Variants in SLC4A5 observed in about 807,000 individuals in gnomAD.
The protein encoded by SLC4A5 is solute carrier family 4 member 5, also known as electrogenic sodium bicarbonate cotransporter 4.
SLC4A5 carries 96 observed loss-of-function variants against 120.4 expected under a neutral mutation model. That is an observed-to-expected ratio of 0.80 (90% CI 0.68 to 0.94). The LOEUF is 0.94. SLC4A5 is among the 40% of genes least tolerant of loss of function. The pLI, the probability that SLC4A5 is intolerant of heterozygous loss-of-function variation, is 0.00. For missense variants in SLC4A5, 1,259 were observed against 1,459.5 expected, an observed-to-expected ratio of 0.86 and a Z score of 2.24; for synonymous variants, 550 against 571.1, an observed-to-expected ratio of 0.96 and a Z score of 0.53.
intron 2 of SLC4A5, 111 bp from the exon 3 acceptor site, chr2:74,339,014 C>T (rs147873721): frequency 1.6e-4 from 24 of 152,144 alleles, no homozygotes; most frequent in Non-Finnish European, 2.5e-4. Flanking sequence ...TTAACAAGGG[C>T]CTGGCACATG....
chr2:74,255,995 C>T lies in SLC4A5; in HGVS notation c.868-63G>A. ...CCCACCTGCTCTCACTCCCTCACTC[C>T]CCTTCAGACTGCTTTGAGGCCTAAC... On this transcript the variant is annotated intron_variant, in intron 12 of 30. Coordinates refer to ENST00000394019, the Ensembl canonical transcript of SLC4A5. The surrounding 1 kb of genome is among the most constrained non-coding windows in gnomAD (Gnocchi z 4.0). The T allele has an allele frequency of 6.4e-7, 1 of 1,573,696 alleles. No individual in the cohort carries two copies. The highest frequency in any genetic ancestry group is 1.7e-5 in the Admixed American group (1 of 57,474).
intron 8 of SLC4A5, among the ~76,000 whole-genome samples, chr2:74,266,900 T>A (rs1039066365): frequency 6.6e-6 from 1 of 152,166 alleles, no homozygotes; most frequent in African/African-American, 2.4e-5. Context: ...CAAAGAAAAG[T>A]AATGTACTGA....
chr2:74,248,450 C>G, exon 18 of SLC4A5: 1 of 1,614,176 alleles, frequency 6.2e-7, no homozygotes, highest in Non-Finnish European at 8.5e-7. Flanking sequence ...AACAAGGAGC[C>G]AGCCATGGCA....
intron 21 of SLC4A5, among the ~76,000 whole-genome samples, chr2:74,237,872 T>G (rs1284686999): frequency 1.3e-5 from 2 of 151,648 alleles, no homozygotes; most frequent in Non-Finnish European, 2.9e-5. Context: ...GAGGCTGAGG[T>G]GGGGGGATCA....
At position 74,284,322 on chromosome 2, in the gene SLC4A5, G is replaced by A. The variant is rs1262901963; in HGVS notation, c.401+1451C>T. Among the ~76,000 whole-genome samples, 4 of 117,352 alleles carry A rather than the reference G, an allele frequency of 3.4e-5. 1 individual carries two copies. Among genetic ancestry groups the A allele is most frequent in the South Asian group, 2.5e-4 (1 of 3,998 alleles). The allele number at this position is 117,352 out of a possible 152,430, so 77.0% of individuals were successfully genotyped here. ...CTCCCGAGTAGCTGGGACTACAGGC[G>A]CCCGCCACCGCGCCCGGCTAATTTT... On this transcript the variant is annotated intron_variant, in intron 8 of 30. Coordinates refer to ENST00000394019, the Ensembl canonical transcript of SLC4A5.
chr2:74,269,525 G>T (rs946733633), intron 8 of SLC4A5, among the ~76,000 whole-genome samples: 7 of 152,116 alleles, frequency 4.6e-5, no homozygotes, highest in African/African-American at 7.2e-5. Context: ...GAGCCACCGC[G>T]CCCGGCCAGT....
chr2:74,229,410 T>A (rs1286467695), intron 25 of SLC4A5, among the ~76,000 whole-genome samples: 1 of 151,850 alleles, frequency 6.6e-6, no homozygotes, highest in Non-Finnish European at 1.5e-5. Context: ...CCACCATACC[T>A]GGCTATTTTT....
At chr2:74,299,824 A>G (rs1672426397) in intron 7 of SLC4A5, among the ~76,000 whole-genome samples, 1 of 151,012 alleles carries the variant, frequency 6.6e-6, no homozygotes, top group Non-Finnish European at 1.5e-5. Context: ...TCCTCAAAAC[A>G]TAAAAGTAGA....
chr2:74,307,468 G>GGATGTCGC, intron 6 of SLC4A5: 4 of 625,500 alleles, frequency 6.4e-6, no homozygotes, highest in South Asian at 4.3e-5. Flanking sequence ...TGGAGCCCAC[G>GGATGTCGC]GATGTCGCTC....
At chr2:74,221,475 A>C in exon 30 of SLC4A5, 1 of 1,614,190 alleles carries the variant, frequency 6.2e-7, no homozygotes, top group Middle Eastern at 1.6e-4. Flanking sequence ...AATCAGAGTG[A>C]GTAACTCCAA....
intron 14 of SLC4A5, among the ~76,000 whole-genome samples, chr2:74,253,806 A>T (rs563485851): frequency 1.1e-4 from 17 of 152,346 alleles, no homozygotes; most frequent in African/African-American, 4.1e-4. Flanking sequence ...GGATTCATCA[A>T]ATGAATCTTA....
At chr2:74,258,823 G>C (rs901931676) in intron 12 of SLC4A5, among the ~76,000 whole-genome samples, 1 of 152,104 alleles carries the variant, frequency 6.6e-6, no homozygotes, top group Non-Finnish European at 1.5e-5. Flanking sequence ...TGACATGAGG[G>C]GCTGACTTTG....
chr2:74,303,076 GGTGT>G (rs1672524458), intron 7 of SLC4A5, among the ~76,000 whole-genome samples: 2 of 150,154 alleles, frequency 1.3e-5, no homozygotes. Flanking sequence ...GTGTGTGTGT[GGTGT>G]GTGTCTGTGT....
intron 3 of SLC4A5, among the ~76,000 whole-genome samples, chr2:74,335,705 A>G (rs535834980): frequency 1.3e-5 from 2 of 152,360 alleles, no homozygotes; most frequent in East Asian, 3.9e-4. Context: ...AAAAGATACA[A>G]TGGAGGAAAA....
chr2:74,250,433 G>C, exon 17 of SLC4A5: 2 of 1,614,170 alleles, frequency 1.2e-6, no homozygotes, highest in Non-Finnish European at 1.7e-6. Context: ...TGGCAGAGAT[G>C]GACTGAATGT....
chr2:74,291,883 C>G (rs1221716815), intron 7 of SLC4A5, among the ~76,000 whole-genome samples: 2 of 152,208 alleles, frequency 1.3e-5, no homozygotes, highest in Admixed American at 6.5e-5. Context: ...GACCCAGCTC[C>G]TTCTGAGTGG....
At chr2:74,218,766 C>T (rs1009207433) in exon 31 of SLC4A5, 6 of 152,648 alleles carry the variant, frequency 3.9e-5, no homozygotes, top group Non-Finnish European at 5.9e-5. Context: ...TGAAGCTGGA[C>T]AGGATATTTT....
At chr2:74,243,531 C>T (rs1190443825) in intron 19 of SLC4A5, among the ~76,000 whole-genome samples, 1 of 152,180 alleles carries the variant, frequency 6.6e-6, no homozygotes, top group Non-Finnish European at 1.5e-5. Flanking sequence ...TGCCTTTCCT[C>T]ACATCAGTGA....
intron 20 of SLC4A5, 61 bp downstream of exon 20, chr2:74,241,933 T>C (rs1388643411): frequency 1.2e-5 from 18 of 1,533,582 alleles, no homozygotes; most frequent in Non-Finnish European, 1.6e-5. Context: ...TCCAAAATCT[T>C]TTCTCCCTCC....
Sources: allele counts gnomAD v4.1 joint callset (sites outside exome capture counted in the v4.1 genomes callset), GRCh38; gene constraint gnomAD v4.1.1; non-coding constraint Gnocchi (gnomAD v3.1); transcripts MANE v1.5; gene names NCBI Gene and HGNC (gene_info 2026-07-23, HGNC 2026-07-21).